The following PCDHGA8 variants were observed in gnomAD, a reference collection of about 807,000 sequenced individuals.
PCDHGA8 encodes the protein protocadherin gamma subfamily A, 8, also known as protocadherin gamma-A8.
Under a neutral mutation model 59.2 loss-of-function variants are expected in PCDHGA8, and 45 were observed. The ratio of observed to expected loss-of-function variants is 0.76; its 90% CI spans 0.60 to 0.98. PCDHGA8 has a LOEUF of 0.98. PCDHGA8 is among the 50% of genes least tolerant of loss of function. The pLI is 0.00. For missense variants in PCDHGA8, 1,257 were observed against 1,196.2 expected, an observed-to-expected ratio of 1.05 and a Z score of -0.75; for synonymous variants, 531 against 519.0, an observed-to-expected ratio of 1.02 and a Z score of -0.32.
At chr5:141,443,330 C>A (rs1005631067) in intron 1 of PCDHGA8, among the ~76,000 whole-genome samples, 44 of 139,282 alleles carry the variant, frequency 3.2e-4, no homozygotes, top group African/African-American at 4.5e-4. Flanking sequence ...AAAAAAAAAA[C>A]AAAAATTAAC....
chr5:141,450,454 G>A (rs144071286), intron 1 of PCDHGA8, among the ~76,000 whole-genome samples: 3,498 of 151,958 alleles, frequency 0.023, 60 homozygotes, highest in Middle Eastern at 0.051. Flanking sequence ...ATGTTTCCTC[G>A]TGATTTTATA....
intron 1 of PCDHGA8, among the ~76,000 whole-genome samples, chr5:141,401,889 T>G (rs1259815955): frequency 3.3e-5 from 5 of 152,232 alleles, no homozygotes; most frequent in Non-Finnish European, 7.3e-5. Context: ...TATTTTGTGT[T>G]CTTTTTCCCA....
intron 1 of PCDHGA8, among the ~76,000 whole-genome samples, chr5:141,453,623 T>C (rs1264665094): frequency 1.3e-5 from 2 of 152,238 alleles, no homozygotes; most frequent in Admixed American, 1.3e-4. Flanking sequence ...AAACAAAACC[T>C]ATACATATTT....
Position 141,393,794 on chromosome 5 carries a change from T to C in PCDHGA8, c.981T>C (p.Leu327=). The C allele has an allele frequency of 6.2e-7, 1 of 1,613,934 alleles. No individual in the cohort carries two copies. The highest frequency in any genetic ancestry group is 1.1e-5 in the South Asian group (1 of 91,080). ...MEIQAEDVGA[L]LGRTKLLISV... ...TACAAGCCGAAGATGTGGGGGCACT[T>C]CTGGGGAGGACCAAATTGCTCATTT... is the stretch of plus-strand genomic sequence containing the variant. Residue 327 remains leucine (L), a synonymous_variant, in exon 1 of 4, where the codon CTT becomes CTC. Coordinates refer to ENST00000398604, the MANE Select transcript of PCDHGA8 (RefSeq NM_032088.2).
At chr5:141,406,002 A>G (rs1348687108) in intron 1 of PCDHGA8, among the ~76,000 whole-genome samples, 1 of 151,598 alleles carries the variant, frequency 6.6e-6, no homozygotes, top group Non-Finnish European at 1.5e-5. Flanking sequence ...CTCAGCCTGC[A>G]TTGATGTGGG....
Position 141,431,388 on chromosome 5 carries a change from T to G in PCDHGA8, c.2424+36151T>G. 1 of 1,613,920 alleles carries G rather than the reference T, an allele frequency of 6.2e-7. No individual in the cohort carries two copies. The highest frequency in any genetic ancestry group is 8.5e-7 in the Non-Finnish European group (1 of 1,180,038). ...CGCGAAGAAAAGGCTGCTCACCACC[T>G]GGTCCTTACGGCCTCCGACGGGGGC... On this transcript the variant is annotated intron_variant, in intron 1 of 3. Transcript: ENST00000398604. The surrounding 1 kb of genome is among the most constrained non-coding windows in gnomAD (Gnocchi z 4.8).
At chr5:141,415,252 C>T (rs895920596) in intron 1 of PCDHGA8, 5 of 1,614,098 alleles carry the variant, frequency 3.1e-6, no homozygotes, top group Non-Finnish European at 4.2e-6. Context: ...AACCTCAGAC[C>T]TCACTCTGTA....
At position 141,423,686 on chromosome 5, in the gene PCDHGA8, A is replaced by T. The variant is rs752078243; in HGVS notation, c.2424+28449A>T. 10 of 1,328,296 alleles carry T rather than the reference A, an allele frequency of 7.5e-6. No homozygotes were observed. The East Asian group carries it at 3.6e-4, about 47-fold the overall frequency. The allele number at this position is 1,328,296 out of a possible 1,614,324, so 82.3% of individuals were successfully genotyped here. The stretch of plus-strand genomic sequence containing the variant: ...GTGAGATTTATTTCTCTGCCTCCTA[A>T]TTGTTGGTGTCTTGGCACAAGTCTT... On this transcript the variant is annotated intron_variant, in intron 1 of 3. Transcript: ENST00000398604.
At chr5:141,420,417 A>C (rs112493756) in intron 1 of PCDHGA8, 20 of 1,211,742 alleles carry the variant, frequency 1.7e-5, no homozygotes, top group Admixed American at 1.1e-4. Flanking sequence ...ATCATTATTA[A>C]AACAAAAGTT....
At position 141,491,422 on chromosome 5, in the gene PCDHGA8, G is replaced by T. The variant is rs1413549196; in HGVS notation, c.2425-3385G>T. 1 of 1,614,112 alleles carries T rather than the reference G, an allele frequency of 6.2e-7. No homozygotes were observed. The stretch of plus-strand genomic sequence containing the variant: ...AAACGCAGACGGGGACGGGGGTGGA[G>T]GGCAGTGCTGCAGGCGCCAGGACTC... On this transcript the variant is annotated intron_variant, in intron 1 of 3. Coordinates refer to ENST00000398604, the MANE Select transcript of PCDHGA8 (RefSeq NM_032088.2). The surrounding 1 kb of genome is among the most constrained non-coding windows in gnomAD (Gnocchi z 6.9).
chr5:141,428,081 C>T (rs768842388), intron 1 of PCDHGA8: 2 of 1,609,218 alleles, frequency 1.2e-6, no homozygotes, highest in Non-Finnish European at 1.7e-6. Context: ...CGGGACACAA[C>T]GCTTGGCTGT....
chr5:141,477,814 G>C lies in PCDHGA8; in HGVS notation c.2425-16993G>C, dbSNP rs780195618. The C allele has an allele frequency of 1.2e-6, 2 of 1,614,110 alleles. No homozygotes were observed. The highest frequency in any genetic ancestry group is 1.1e-5 in the South Asian group (1 of 91,074). On this transcript the variant is annotated intron_variant, in intron 1 of 3. Coordinates refer to ENST00000398604, the MANE Select transcript of PCDHGA8 (RefSeq NM_032088.2). The surrounding 1 kb of genome is among the most constrained non-coding windows in gnomAD (Gnocchi z 4.9). ...CTGATCGCAATGACAATGCCCCCCA[G>C]GTCCTATATCCTCGGCCAGGTGGGA... is the stretch of plus-strand genomic sequence containing the variant.
rs978973236 is a variant in PCDHGA8, at chr5:141,399,545, C to G, written c.2424+4308C>G. 8 of 1,614,050 alleles carry G rather than the reference C, an allele frequency of 5.0e-6. No homozygotes were observed. In the South Asian group the frequency reaches 6.6e-5, roughly 13 times the overall value. ...GCCTCCATCGCGCAAGTCTGCGCCT[C>G]GGACCTGGACTTGGGGTTGAACGGC... On this transcript the variant is annotated intron_variant, in intron 1 of 3. Transcript: ENST00000398604.
Position 141,493,689 on chromosome 5 carries a change from C to A in PCDHGA8, c.2425-1118C>A, listed in dbSNP as rs2099749557. The stretch of plus-strand genomic sequence containing the variant: ...GGCAGCCCCAGAATGGTGCTGGTGA[C>A]TCCCGATACACCTGGAATGCTAGGT... On this transcript the variant is annotated intron_variant, in intron 1 of 3. Transcript: ENST00000398604. The surrounding 1 kb of genome is among the most constrained non-coding windows in gnomAD (Gnocchi z 4.3). Among the ~76,000 whole-genome samples the A allele has an allele frequency of 6.6e-6, 1 of 152,218 alleles. No homozygotes were observed. The highest frequency in any genetic ancestry group is 2.4e-5 in the African/African-American group (1 of 41,450).
chr5:141,482,661 T>G (rs1215403061), intron 1 of PCDHGA8, among the ~76,000 whole-genome samples: 1 of 151,742 alleles, frequency 6.6e-6, no homozygotes, highest in Non-Finnish European at 1.5e-5. Flanking sequence ...TGAGCTATGA[T>G]CTAAAGGTTG....
chr5:141,500,176 A>ATTTT (rs1468241826), intron 2 of PCDHGA8, among the ~76,000 whole-genome samples: 91 of 145,916 alleles, frequency 6.2e-4, no homozygotes, highest in African/African-American at 2.3e-3. Context: ...CATGAGCTTC[A>ATTTT]TTTTTATTTT....
chr5:141,405,320 C>G, intron 1 of PCDHGA8: 1 of 1,614,188 alleles, frequency 6.2e-7, no homozygotes, highest in Non-Finnish European at 8.5e-7. Context: ...GAAAAATGAG[C>G]CTTTGTGCGT....
chr5:141,403,667 G>T (rs1386561971), intron 1 of PCDHGA8: 8 of 1,613,910 alleles, frequency 5.0e-6, no homozygotes, highest in Non-Finnish European at 6.8e-6. Flanking sequence ...AAATGATAAT[G>T]CCCCGGTTTT....
chr5:141,408,153 C>T, intron 1 of PCDHGA8: 4 of 1,509,360 alleles, frequency 2.7e-6, no homozygotes, highest in Non-Finnish European at 3.6e-6. Context: ...CGGTAGAGTG[C>T]ACTTTCTCCA....
Sources: gnomAD v4.1 joint callset for allele counts (sites outside exome capture counted in the v4.1 genomes callset) on GRCh38, gnomAD v4.1.1 for gene constraint, Gnocchi (gnomAD v3.1) non-coding constraint, MANE v1.5 for transcripts, NCBI Gene and HGNC (gene_info 2026-07-23, HGNC 2026-07-21) for gene names.